The following NDUFAF5 variants were observed in gnomAD, a reference collection of about 807,000 sequenced individuals.
NDUFAF5 encodes the protein NADH:ubiquinone oxidoreductase complex assembly factor 5.
NDUFAF5 carries 34 observed loss-of-function variants against 48.9 expected under a neutral mutation model. The observed-to-expected ratio is 0.70, with a 90% CI of 0.53 to 0.93. The LOEUF is 0.93. Among genes scored for constraint, NDUFAF5 ranks in the 40% least tolerant of loss-of-function variants. NDUFAF5 has a pLI of 0.00. For synonymous variants in NDUFAF5, 153 were observed against 150.6 expected (o/e 1.02, Z -0.12); for missense variants, 428 against 427.5 (o/e 1.00, Z -0.01).
chr20:13,788,696 G>A, intron 3 of NDUFAF5, 44 bp downstream of exon 3: 1 of 1,291,060 alleles, frequency 7.7e-7, no homozygotes, highest in Non-Finnish European at 1.1e-6. Flanking sequence ...AAGTAACATT[G>A]GCTAATTTTA....
chr20:13,793,258 A>C (rs747783720), intron 4 of NDUFAF5, 31 bp downstream of exon 4: 1 of 1,535,226 alleles, frequency 6.5e-7, no homozygotes, highest in Non-Finnish European at 9.0e-7. Flanking sequence ...GTTGGTTTCT[A>C]ATCTCGTGAT....
In NDUFAF5 at chr20:13,809,012, G is replaced by A. The variant is rs1985476429; in HGVS notation, c.778+110G>A. ...ATTTTGAGAGCCAGCTCTTTGGCAG[G>A]CACTGGGCAAAGCACTAGGGATCCA... is the stretch of plus-strand genomic sequence containing the variant. On this transcript the variant is annotated intron_variant, in intron 8 of 10. Transcript: ENST00000378106. 4.0e-6 allele frequency: 3 copies of A among 752,296 alleles called. No homozygotes were observed. In the Admixed American group the frequency reaches 6.0e-5, roughly 15 times the overall value. 46.6% of individuals were successfully genotyped at this position (752,296 alleles called of 1,614,324 possible). A position where few individuals can be genotyped will look rare whatever the true frequency, so the allele number is the denominator to read the frequency against.
chr20:13,804,061 C>T (rs1263632270), intron 7 of NDUFAF5, among the ~76,000 whole-genome samples: 1 of 152,272 alleles, frequency 6.6e-6, no homozygotes, highest in South Asian at 2.1e-4. Flanking sequence ...GCTGGGATTA[C>T]AGGCATGAGC....
chr20:13,785,968 A>C (rs1271989350), intron 1 of NDUFAF5, among the ~76,000 whole-genome samples: 3 of 152,118 alleles, frequency 2.0e-5, no homozygotes, highest in African/African-American at 4.8e-5. Context: ...GCACTGCTCT[A>C]GGGGAATGTG....
At chr20:13,810,193 G>A (rs370827264) in intron 8 of NDUFAF5, among the ~76,000 whole-genome samples, 15 of 152,276 alleles carry the variant, frequency 9.9e-5, no homozygotes, top group African/African-American at 3.6e-4. Flanking sequence ...AAGTGGCTTG[G>A]TACTGAGGCT....
rs1454228762 is a variant in NDUFAF5, at chr20:13,794,959, TA to T, written c.479+23del. On this transcript the variant is annotated intron_variant, in intron 5 of 10. Coordinates refer to ENST00000378106, the MANE Select transcript of NDUFAF5 (RefSeq NM_024120.5). ...AGTTTAAGGTTGGTAATCCACTTTT[TA>T]AAAACCATATGTTATAAACAGATCA... is the stretch of plus-strand genomic sequence containing the variant. The T allele has an allele frequency of 6.7e-7, 1 of 1,493,696 alleles. No homozygotes were observed. The highest frequency in any genetic ancestry group is 1.4e-5 in the African/African-American group (1 of 72,604). 92.5% of individuals were successfully genotyped at this position (1,493,696 alleles called of 1,614,324 possible).
chr20:13,787,248 A>T lies in NDUFAF5; in HGVS notation c.223-64A>T, dbSNP rs912937611. On this transcript the variant is annotated intron_variant, in intron 1 of 10. Transcript: ENST00000378106. ...ATTTTAAAACATAAGTAACTTGTGG[A>T]TTGTTGAATACTGGAAAAAGAGTGT... is the stretch of plus-strand genomic sequence containing the variant. 1.3e-5 allele frequency: 19 copies of T among 1,519,846 alleles called. No individual in the cohort carries two copies. The Admixed American group carries it at 3.2e-4, about 25-fold the overall frequency. 94.1% of individuals were successfully genotyped at this position (1,519,846 alleles called of 1,614,324 possible). A position where few individuals can be genotyped will look rare whatever the true frequency, so the allele number is the denominator to read the frequency against.
chr20:13,788,885 A>G (rs1036417270), intron 3 of NDUFAF5, among the ~76,000 whole-genome samples: 1 of 151,900 alleles, frequency 6.6e-6, no homozygotes, highest in Non-Finnish European at 1.5e-5. Flanking sequence ...TCTACCGATA[A>G]TTTATTTGAA....
At chr20:13,791,614 A>G (rs1418725642) in intron 3 of NDUFAF5, among the ~76,000 whole-genome samples, 3 of 152,216 alleles carry the variant, frequency 2.0e-5, no homozygotes, top group Admixed American at 6.5e-5. Context: ...TTGATTGTTG[A>G]AAGCAAAAAT....
chr20:13,810,680 G>T (rs530672618), intron 8 of NDUFAF5, among the ~76,000 whole-genome samples: 5 of 152,100 alleles, frequency 3.3e-5, no homozygotes, highest in African/African-American at 7.2e-5. Flanking sequence ...TTTCCTAGAA[G>T]AGGTGACTCT....
chr20:13,791,675 T>C (rs1008112635), intron 3 of NDUFAF5, among the ~76,000 whole-genome samples: 6 of 152,234 alleles, frequency 3.9e-5, no homozygotes, highest in African/African-American at 1.2e-4. Context: ...GAGGCTCTTA[T>C]GTAACTCAGG....
chr20:13,807,621 C>T (rs1043346244), intron 7 of NDUFAF5, among the ~76,000 whole-genome samples: 8 of 151,628 alleles, frequency 5.3e-5, no homozygotes, highest in Non-Finnish European at 1.2e-4. Context: ...TTTAACCAGT[C>T]CTCTATTAAT....
intron 7 of NDUFAF5, among the ~76,000 whole-genome samples, chr20:13,802,976 C>A (rs930482949): frequency 6.6e-6 from 1 of 152,172 alleles, no homozygotes; most frequent in African/African-American, 2.4e-5. Flanking sequence ...AGAAACATCC[C>A]TAAACCTGAT....
intron 5 of NDUFAF5, 25 bp downstream of exon 5, chr20:13,794,966 CAT>C (rs754944875): frequency 4.8e-6 from 7 of 1,461,530 alleles, no homozygotes; most frequent in East Asian, 2.3e-5. Context: ...TTTTAAAAAC[CAT>C]ATGTTATAAA....
chr20:13,788,793 G>A, intron 3 of NDUFAF5, 141 bp downstream of exon 3: 1 of 596,638 alleles, frequency 1.7e-6, no homozygotes. Context: ...TTTTTTAAGT[G>A]GTAGAATCAA....
chr20:13,793,012 C>T (rs1054863614), intron 3 of NDUFAF5, 168 bp from the exon 4 acceptor site: 16 of 702,602 alleles, frequency 2.3e-5, no homozygotes, highest in Non-Finnish European at 4.0e-5. Context: ...TTAAATATAG[C>T]AAAGGATATG....
Position 13,821,319 on chromosome 20 carries a change from T to A in NDUFAF5, c.*4109T>A, listed in dbSNP as rs1986967798. 1.3e-5 allele frequency: 2 copies of A among 152,228 alleles called. No homozygotes were observed. The allele number at this position is 152,228 out of a possible 1,614,324, so 9.4% of individuals were successfully genotyped here. A position where few individuals can be genotyped will look rare whatever the true frequency, so the allele number is the denominator to read the frequency against. The stretch of plus-strand genomic sequence containing the variant: ...TTACTCTCTCTTGGATCCTTCACTC[T>A]AGGGAAAGCCAGCAGCCATATTGTA... On this transcript the variant is annotated 3_prime_UTR_variant, in exon 11 of 11. Transcript: ENST00000378106.
At chr20:13,814,467 A>G in intron 8 of NDUFAF5, 1 of 1,289,342 alleles carries the variant, frequency 7.8e-7, no homozygotes, top group African/African-American at 1.5e-5. Context: ...GCTGCATATC[A>G]GCTGATGAAT....
Position 13,817,992 on chromosome 20 carries a change from G to A in NDUFAF5, c.*782G>A, listed in dbSNP as rs1361287836. The A allele has an allele frequency of 2.2e-6, 1 of 454,166 alleles. No homozygotes were observed. The highest frequency in any genetic ancestry group is 1.6e-5 in the South Asian group (1 of 64,476). 28.1% of individuals were successfully genotyped at this position (454,166 alleles called of 1,614,324 possible). Reference sequence around the variant, plus strand: ...CAGGGAGAAGGCTGAGAAGCAAGCAGGAGTGAGCGCTAAGTGTTTTGTTTC... The same window carrying A: ...CAGGGAGAAGGCTGAGAAGCAAGCAAGAGTGAGCGCTAAGTGTTTTGTTTC... On this transcript the variant is annotated 3_prime_UTR_variant, in exon 11 of 11. Transcript: ENST00000378106.
Sources: gnomAD v4.1 joint callset for allele counts (sites outside exome capture counted in the v4.1 genomes callset) on GRCh38, gnomAD v4.1.1 for gene constraint, MANE v1.5 for transcripts, NCBI Gene and HGNC (gene_info 2026-07-23, HGNC 2026-07-21) for gene names.